PSD3: variants seen among roughly 807,000 people sequenced by gnomAD.
PSD3 encodes the protein pleckstrin and Sec7 domain containing 3, also known as PH and SEC7 domain-containing protein 3.
Under a neutral mutation model 105.5 loss-of-function variants are expected in PSD3, and 49 were observed. The ratio of observed to expected loss-of-function variants is 0.46; its 90% CI spans 0.37 to 0.59. PSD3 has a LOEUF of 0.59. PSD3 is among the 20% of genes least tolerant of loss of function. The pLI, the probability that PSD3 is intolerant of heterozygous loss-of-function variation, is 0.00. For missense variants in PSD3, 1,561 were observed against 1,263.8 expected (o/e 1.24, Z -3.57); for synonymous variants, 557 against 457.8 (o/e 1.22, Z -2.77).
chr8:18,670,601 G>A (rs1450420841), intron 9 of PSD3, among the ~76,000 whole-genome samples: 2 of 152,080 alleles, frequency 1.3e-5, no homozygotes, highest in Non-Finnish European at 2.9e-5. Flanking sequence ...CATACCTCAA[G>A]CACAAATAAA....
At chr8:18,644,288 C>G (rs1388506939) in intron 10 of PSD3, among the ~76,000 whole-genome samples, 1 of 152,202 alleles carries the variant, frequency 6.6e-6, no homozygotes, top group Non-Finnish European at 1.5e-5. Context: ...ATCGTTCTAT[C>G]TTTAAGTCAT....
At chr8:18,994,366 A>T (rs576049006) in intron 1 of PSD3, among the ~76,000 whole-genome samples, 1 of 152,212 alleles carries the variant, frequency 6.6e-6, no homozygotes, top group South Asian at 2.1e-4. Flanking sequence ...ACTGTAAAAA[A>T]ATCCATCTTT....
At chr8:19,074,455 A>C (rs1303446393) in intron 1 of PSD3, among the ~76,000 whole-genome samples, 3 of 151,968 alleles carry the variant, frequency 2.0e-5, no homozygotes, top group Middle Eastern at 3.4e-3. Flanking sequence ...TGTTGTCTTA[A>C]ATGATGCATA....
intron 4 of PSD3, among the ~76,000 whole-genome samples, chr8:18,828,831 G>C (rs1360684105): frequency 1.3e-5 from 2 of 152,100 alleles, no homozygotes; most frequent in Non-Finnish European, 2.9e-5. Context: ...GGGCATCGGG[G>C]CACATACCTG....
chr8:18,570,745 G>C (rs946047547), intron 14 of PSD3, among the ~76,000 whole-genome samples: 2 of 151,938 alleles, frequency 1.3e-5, no homozygotes, highest in African/African-American at 4.8e-5. Flanking sequence ...CTGGCCATCA[G>C]AGAAATGCAA....
At chr8:18,776,586 C>A (rs4921958) in intron 8 of PSD3, among the ~76,000 whole-genome samples, 11,775 of 151,800 alleles carry the variant, frequency 0.078, 982 homozygotes, top group East Asian at 0.33. Context: ...CCATATTGGC[C>A]AGGCTGGTCT....
chr8:18,582,684 CA>C (rs1802893835), intron 12 of PSD3, among the ~76,000 whole-genome samples: 1 of 152,168 alleles, frequency 6.6e-6, no homozygotes, highest in Non-Finnish European at 1.5e-5. Context: ...TTCAACACCT[CA>C]AACTAAACTC....
chr8:18,648,530 G>C (rs999135344), intron 10 of PSD3, among the ~76,000 whole-genome samples: 1 of 152,186 alleles, frequency 6.6e-6, no homozygotes, highest in Non-Finnish European at 1.5e-5. Flanking sequence ...ATGCTTATAT[G>C]TGCGAGCAAA....
At chr8:18,923,147 G>C (rs1821143155) in intron 2 of PSD3, among the ~76,000 whole-genome samples, 1 of 152,052 alleles carries the variant, frequency 6.6e-6, no homozygotes, top group Admixed American at 6.6e-5. Flanking sequence ...GAACTGTCTT[G>C]GGCCACAGAT....
rs1330600637 is a variant in PSD3 at position 18,868,059 on chromosome 8, G to T, written c.1249C>A (p.Gln417Lys). 5.0e-6 allele frequency: 8 copies of T among 1,599,938 alleles called. No individual in the cohort carries two copies. Among genetic ancestry groups the T allele is most frequent in the Non-Finnish European group, 6.8e-6 (8 of 1,173,880 alleles). The stretch of plus-strand genomic sequence containing the variant: ...TCTTCCCCCTTAACGTGCTCCTCTT[G>T]TTCGCTGATCCTGGAAAGTAAATAA... ...PERDRERISE[Q>K]EEHVKGEDED... Residue 417 changes from glutamine (Q) to lysine (K), a missense_variant, in exon 4 of 16, where the codon CAA becomes AAA. By Grantham distance (53) the Gln-to-Lys change is moderately conservative. Coordinates refer to ENST00000327040, the MANE Select transcript of PSD3 (RefSeq NM_015310.4).
At chr8:18,685,836 C>T (rs1307729024) in intron 9 of PSD3, among the ~76,000 whole-genome samples, 1 of 152,054 alleles carries the variant, frequency 6.6e-6, no homozygotes, top group Non-Finnish European at 1.5e-5. Flanking sequence ...GAAACTAATA[C>T]CATAATAAAG....
intron 9 of PSD3, among the ~76,000 whole-genome samples, chr8:18,660,696 A>G (rs1276403658): frequency 6.6e-6 from 1 of 152,194 alleles, no homozygotes; most frequent in Admixed American, 6.5e-5. Flanking sequence ...CTGCATGAAT[A>G]TTTCTAAATG....
At chr8:19,063,022 G>C (rs959636517) in intron 1 of PSD3, among the ~76,000 whole-genome samples, 4 of 152,218 alleles carry the variant, frequency 2.6e-5, no homozygotes, top group Non-Finnish European at 5.9e-5. Context: ...TCATGTGTGA[G>C]ACAGTTGGAC....
chr8:18,802,292 G>C (rs1406410241), intron 6 of PSD3: 2 of 399,658 alleles, frequency 5.0e-6, no homozygotes, highest in East Asian at 7.1e-5. Flanking sequence ...GAGTCACTAA[G>C]AGCACTGTTT....
At chr8:18,562,809 A>C (rs762090328) in intron 14 of PSD3, among the ~76,000 whole-genome samples, 1 of 152,094 alleles carries the variant, frequency 6.6e-6, no homozygotes, top group Non-Finnish European at 1.5e-5. Context: ...GAATTGCTTG[A>C]ACCTGGGAGG....
intron 4 of PSD3, among the ~76,000 whole-genome samples, chr8:18,851,006 G>T (rs180839725): frequency 6.6e-6 from 1 of 152,184 alleles, no homozygotes; most frequent in African/African-American, 2.4e-5. Flanking sequence ...GAGACAAAGT[G>T]CAAGGACACC....
At chr8:18,954,398 G>A (rs1467636664) in intron 1 of PSD3, among the ~76,000 whole-genome samples, 1 of 151,926 alleles carries the variant, frequency 6.6e-6, no homozygotes, top group East Asian at 1.9e-4. Context: ...AAAAAGAGTA[G>A]TATGGAAAAA....
intron 11 of PSD3, among the ~76,000 whole-genome samples, chr8:18,602,504 T>G (rs1051613154): frequency 6.6e-5 from 10 of 152,130 alleles, no homozygotes; most frequent in African/African-American, 2.4e-4. Flanking sequence ...AACACATGGA[T>G]GAAACAACCT....
intron 1 of PSD3, among the ~76,000 whole-genome samples, chr8:18,953,816 A>C (rs1823394207): frequency 6.6e-6 from 1 of 152,186 alleles, no homozygotes; most frequent in Non-Finnish European, 1.5e-5. Flanking sequence ...GCAATTTTTT[A>C]ACATGAGGTA....
Sources: allele counts gnomAD v4.1 joint callset (sites outside exome capture counted in the v4.1 genomes callset), GRCh38; gene constraint gnomAD v4.1.1; transcripts MANE v1.5; gene names NCBI Gene and HGNC (gene_info 2026-07-23, HGNC 2026-07-21).